The following MAN1A2 variants were observed in gnomAD, a reference collection of about 807,000 sequenced individuals.
MAN1A2 encodes the protein mannosyl-oligosaccharide 1,2-alpha-mannosidase IB.
A neutral mutation model predicts 75.7 loss-of-function variants in MAN1A2; 26 were observed. The ratio of observed to expected loss-of-function variants is 0.34; its 90% CI spans 0.25 to 0.48. MAN1A2 has a LOEUF of 0.48. Among genes scored for constraint, MAN1A2 ranks in the 20% least tolerant of loss-of-function variants. The pLI, the probability that MAN1A2 is intolerant of heterozygous loss-of-function variation, is 0.99. For missense variants in MAN1A2, 562 were observed against 775.5 expected, an observed-to-expected ratio of 0.72 and a Z score of 3.27; for synonymous variants, 247 against 264.6, an observed-to-expected ratio of 0.93 and a Z score of 0.65.
At chr1:117,448,361 A>G (rs1649304721) in intron 6 of MAN1A2, among the ~76,000 whole-genome samples, 1 of 152,216 alleles carries the variant, frequency 6.6e-6, no homozygotes, top group Non-Finnish European at 1.5e-5. Flanking sequence ...AGCAGCAGAA[A>G]AATGTAGCTC....
chr1:117,523,432 C>A lies in MAN1A2; in HGVS notation c.*475C>A. ...TTCTCCATTTTAATAATGGAATGAA[C>A]TAAAATAAACAAGAACAAAAGAATA... On this transcript the variant is annotated 3_prime_UTR_variant, in exon 13 of 13. Transcript: ENST00000356554. 3.0e-6 allele frequency: 1 copy of A among 330,980 alleles called. No homozygotes were observed. The allele number at this position is 330,980 out of a possible 1,614,324, so 20.5% of individuals were successfully genotyped here.
chr1:117,516,517 A>G (rs1159916993), intron 12 of MAN1A2, among the ~76,000 whole-genome samples: 1 of 152,114 alleles, frequency 6.6e-6, no homozygotes, highest in Admixed American at 6.6e-5. Flanking sequence ...AAATTGTTTG[A>G]CACAGTCTCT....
At chr1:117,424,432 C>G (rs1431663014) in intron 5 of MAN1A2, among the ~76,000 whole-genome samples, 2 of 152,190 alleles carry the variant, frequency 1.3e-5, no homozygotes, top group Non-Finnish European at 2.9e-5. Context: ...TTCTGTTGGT[C>G]TGCTCCTTTA....
chr1:117,368,055 C>A lies in MAN1A2; in HGVS notation c.-129C>A. 1.1e-6 allele frequency: 1 copy of A among 877,434 alleles called. No homozygotes were observed. The allele number at this position is 877,434 out of a possible 1,614,324, so 54.4% of individuals were successfully genotyped here. On this transcript the variant is annotated 5_prime_UTR_variant, in exon 1 of 13. Coordinates refer to ENST00000356554, the MANE Select transcript of MAN1A2 (RefSeq NM_006699.5). ...GAATGACGTGCCCTCTTAAAAAGCA[C>A]AACAGTCCTTTAAGAGGAGCAAAAT...
At position 117,526,900 on chromosome 1, in the gene MAN1A2, A is replaced by G. The variant is rs1241556951; in HGVS notation, c.*3943A>G. On this transcript the variant is annotated 3_prime_UTR_variant, in exon 13 of 13. Coordinates refer to ENST00000356554, the MANE Select transcript of MAN1A2 (RefSeq NM_006699.5). ...TCTCTCTATATATATATATATATAT[A>G]TATATATATGAGAGATATATGAGAT... 7.0e-6 allele frequency: 1 copy of G among 143,068 alleles called. No individual in the cohort carries two copies. The highest frequency in any genetic ancestry group is 1.5e-5 in the Non-Finnish European group (1 of 65,720). The allele number at this position is 143,068 out of a possible 1,614,324, so 8.9% of individuals were successfully genotyped here.
chr1:117,431,879 G>C (rs914500679), intron 5 of MAN1A2, among the ~76,000 whole-genome samples: 1 of 152,180 alleles, frequency 6.6e-6, no homozygotes, highest in Non-Finnish European at 1.5e-5. Flanking sequence ...GAGCCTAGGA[G>C]GTTGAGTCTG....
chr1:117,468,024 A>C (rs1232626114), intron 8 of MAN1A2, among the ~76,000 whole-genome samples: 1 of 152,144 alleles, frequency 6.6e-6, no homozygotes, highest in Non-Finnish European at 1.5e-5. Context: ...CCTGTATATT[A>C]TTGTTAACCT....
intron 3 of MAN1A2, among the ~76,000 whole-genome samples, 160 bp from the exon 4 acceptor site, chr1:117,414,553 G>T (rs960703219): frequency 6.6e-6 from 1 of 151,356 alleles, no homozygotes; most frequent in Non-Finnish European, 1.5e-5. Context: ...ACAATATTGG[G>T]TATTCTAAAT....
chr1:117,487,118 C>T (rs538843924), intron 8 of MAN1A2, among the ~76,000 whole-genome samples: 1 of 151,960 alleles, frequency 6.6e-6, no homozygotes, highest in East Asian at 1.9e-4. Flanking sequence ...AATTTGATAC[C>T]CGTATGAAAT....
At chr1:117,481,331 A>AT (rs1348523249) in intron 8 of MAN1A2, among the ~76,000 whole-genome samples, 1 of 151,600 alleles carries the variant, frequency 6.6e-6, no homozygotes, top group Non-Finnish European at 1.5e-5. Context: ...AAAAAAAAAA[A>AT]GGAATAGTCT....
intron 3 of MAN1A2, among the ~76,000 whole-genome samples, chr1:117,408,325 A>G (rs1409529401): frequency 6.7e-6 from 1 of 150,152 alleles, no homozygotes; most frequent in African/African-American, 2.4e-5. Flanking sequence ...AAAAAAAAGC[A>G]GAATGAGTTC....
chr1:117,457,961 G>A (rs2101831714), intron 6 of MAN1A2, among the ~76,000 whole-genome samples: 1 of 152,128 alleles, frequency 6.6e-6, no homozygotes. Flanking sequence ...TTCCCTTACT[G>A]GGAATTCTGT....
At chr1:117,465,568 A>G (rs1557961939) in intron 7 of MAN1A2, among the ~76,000 whole-genome samples, 1 of 152,174 alleles carries the variant, frequency 6.6e-6, no homozygotes, top group Non-Finnish European at 1.5e-5. Flanking sequence ...TCCTCTGAAA[A>G]AGAAAGTTTT....
chr1:117,515,502 T>G (rs1172902997), intron 12 of MAN1A2: 1 of 152,010 alleles, frequency 6.6e-6, no homozygotes, highest in Non-Finnish European at 1.5e-5. Flanking sequence ...TGATGCTGAA[T>G]TAGTAAGATG....
chr1:117,422,082 A>G (rs1308287227), intron 5 of MAN1A2, among the ~76,000 whole-genome samples: 1 of 152,166 alleles, frequency 6.6e-6, no homozygotes, highest in Non-Finnish European at 1.5e-5. Context: ...TTATTTACGT[A>G]CAGTAAAATT....
intron 8 of MAN1A2, among the ~76,000 whole-genome samples, chr1:117,487,167 T>C (rs1247666408): frequency 6.6e-6 from 1 of 152,024 alleles, no homozygotes; most frequent in Non-Finnish European, 1.5e-5. Context: ...CATTTTCGGA[T>C]GAAAGGGTTT....
intron 12 of MAN1A2, among the ~76,000 whole-genome samples, chr1:117,503,836 A>G (rs1018185624): frequency 6.6e-6 from 1 of 151,564 alleles, no homozygotes; most frequent in Non-Finnish European, 1.5e-5. Flanking sequence ...ATTAAAATGT[A>G]CCGTTCTCAA....
At chr1:117,386,775 T>TA (rs1210099247) in intron 1 of MAN1A2, among the ~76,000 whole-genome samples, 1 of 43,812 alleles carries the variant, frequency 2.3e-5, no homozygotes, top group Admixed American at 2.2e-4. Context: ...TAGAAAAAAA[T>TA]AAAAAAATTA....
At chr1:117,505,895 TAGTTCAACCTAATACATAATGGTA>T (rs1014715638) in intron 12 of MAN1A2, among the ~76,000 whole-genome samples, 2 of 151,490 alleles carry the variant, frequency 1.3e-5, no homozygotes, top group African/African-American at 4.8e-5. Context: ...CAATTTAGTA[TAGTTCAACCTAATACATAATGGTA>T]ATGGTAAATA....
Sources: gnomAD v4.1 joint callset for allele counts (sites outside exome capture counted in the v4.1 genomes callset) on GRCh38, gnomAD v4.1.1 for gene constraint, MANE v1.5 for transcripts, NCBI Gene and HGNC (gene_info 2026-07-23, HGNC 2026-07-21) for gene names.